ZC3HAV1: variants seen among roughly 807,000 people sequenced by gnomAD.
ZC3HAV1 encodes the protein zinc finger CCCH-type antiviral protein 1.
ZC3HAV1 carries 41 observed loss-of-function variants against 86.6 expected under a neutral mutation model. The ratio of observed to expected loss-of-function variants is 0.47; its 90% CI spans 0.37 to 0.61. The LOEUF is 0.61. Ranked by LOEUF, ZC3HAV1 falls within the 20% of genes least tolerant of loss-of-function variation. The pLI, the probability that ZC3HAV1 is intolerant of heterozygous loss-of-function variation, is 0.00. For synonymous variants in ZC3HAV1, 421 were observed against 432.1 expected (o/e 0.97, Z 0.32); for missense variants, 964 against 1,141.1 (o/e 0.84, Z 2.24).
chr7:139,063,653 G>A (rs1816510998), intron 8 of ZC3HAV1, among the ~76,000 whole-genome samples: 2 of 150,944 alleles, frequency 1.3e-5, no homozygotes, highest in South Asian at 2.1e-4. Flanking sequence ...GAGCCAGGGA[G>A]GTTGAGGCTG....
At chr7:139,058,655 A>C (rs900816397) in intron 9 of ZC3HAV1, among the ~76,000 whole-genome samples, 1 of 152,156 alleles carries the variant, frequency 6.6e-6, no homozygotes, top group Non-Finnish European at 1.5e-5. Flanking sequence ...GGAATGTTAT[A>C]GTATGGGAAA....
At chr7:139,097,968 G>A (rs1344319836) in intron 1 of ZC3HAV1, among the ~76,000 whole-genome samples, 1 of 151,470 alleles carries the variant, frequency 6.6e-6, no homozygotes, top group Admixed American at 6.6e-5. Context: ...TTTTTAAGAT[G>A]GAGTCTCACG....
chr7:139,055,949 T>C (rs941472775), intron 9 of ZC3HAV1, among the ~76,000 whole-genome samples: 7 of 152,214 alleles, frequency 4.6e-5, no homozygotes, highest in South Asian at 2.1e-4. Context: ...TGGAATGACC[T>C]GAACCTACTC....
rs1428880068 is a variant in ZC3HAV1, at chr7:139,080,120, G to A, written c.821C>T (p.Pro274Leu). The change falls in exon 4 of 13, where the codon CCT becomes CTT. Residue 274 changes from proline (P) to leucine (L), a missense_variant. Transcript: ENST00000242351. The stretch of plus-strand genomic sequence containing the variant: ...CCTGTGGCTGATCTGATCTGGACTA[G>A]GTGTGCAGGACCTCTCAGCAGACGC... ...ASASAERSCTPSPDQISHRAS... is the reference protein window; with the variant it reads ...ASASAERSCTLSPDQISHRAS... 1.2e-6 allele frequency: 2 copies of A among 1,614,072 alleles called. No individual in the cohort carries two copies. Among genetic ancestry groups the A allele is most frequent in the Admixed American group, 1.7e-5 (1 of 60,004 alleles).
chr7:139,089,853 GCCCATAT>G, intron 1 of ZC3HAV1, 94 bp from the exon 2 acceptor site: 1 of 1,355,102 alleles, frequency 7.4e-7, no homozygotes, highest in Non-Finnish European at 9.8e-7. Flanking sequence ...AAAGACCCGT[GCCCATAT>G]TCTCTGACAA....
At chr7:139,091,683 C>T (rs1817440148) in intron 1 of ZC3HAV1, among the ~76,000 whole-genome samples, 1 of 152,032 alleles carries the variant, frequency 6.6e-6, no homozygotes. Flanking sequence ...GTGGCACAAT[C>T]ACGGCTCACT....
intron 8 of ZC3HAV1, among the ~76,000 whole-genome samples, chr7:139,062,161 GT>G (rs1354912294): frequency 6.6e-6 from 1 of 152,056 alleles, no homozygotes; most frequent in African/African-American, 2.4e-5. Context: ...CCTGCTTAGG[GT>G]GGTGGTTACA....
intron 9 of ZC3HAV1, 143 bp from the exon 10 acceptor site, chr7:139,055,438 T>C: frequency 1.7e-6 from 1 of 589,418 alleles, no homozygotes. Context: ...GACTACATCC[T>C]CACATATTCC....
chr7:139,062,768 G>A lies in ZC3HAV1; in HGVS notation c.1994-1630C>T, dbSNP rs373394696. 1.3e-4 allele frequency among the ~76,000 whole-genome samples: 20 copies of A among 152,262 alleles called. 1 individual carries two copies. In the South Asian group the frequency reaches 1.7e-3, roughly 13 times the overall value. On this transcript the variant is annotated intron_variant, in intron 8 of 12. Transcript: ENST00000242351. ...AAGGCGGACGGGTGCAGTGGCTCAC[G>A]CCTGTAATCCCAACACTTTGGGAGG... is the stretch of plus-strand genomic sequence containing the variant.
intron 12 of ZC3HAV1, among the ~76,000 whole-genome samples, chr7:139,048,588 G>A (rs1368949188): frequency 1.3e-5 from 2 of 152,124 alleles, no homozygotes; most frequent in African/African-American, 4.8e-5. Flanking sequence ...GGGCAACAGA[G>A]TGAGATTCTG....
chr7:139,073,528 TC>T (rs1318681192), intron 7 of ZC3HAV1, among the ~76,000 whole-genome samples: 1 of 151,938 alleles, frequency 6.6e-6, no homozygotes, highest in Non-Finnish European at 1.5e-5. Context: ...TCTCAATCCA[TC>T]CCCCAGGCTG....
At chr7:139,084,060 G>A (rs766462136) in intron 2 of ZC3HAV1, 28 bp from the exon 3 acceptor site, 2 of 1,602,052 alleles carry the variant, frequency 1.2e-6, no homozygotes, top group Non-Finnish European at 8.5e-7. Context: ...AACAGCCAGA[G>A]TCAAAACACC....
chr7:139,088,039 AAAAAAAAAAAAAAAAAG>A (rs1173187704), intron 2 of ZC3HAV1, among the ~76,000 whole-genome samples: 1 of 149,170 alleles, frequency 6.7e-6, no homozygotes, highest in East Asian at 2.0e-4. Flanking sequence ...CTCAAAAAAA[AAAAAAAAAAAAAAAAAG>A]AAAAAAGAAA....
intron 12 of ZC3HAV1, among the ~76,000 whole-genome samples, chr7:139,050,653 A>AGCCACAGT (rs1157722217): frequency 6.6e-6 from 1 of 152,140 alleles, no homozygotes; most frequent in Non-Finnish European, 1.5e-5. Context: ...TACAGGAATG[A>AGCCACAGT]GCCACAGTGC....
chr7:139,067,603 T>C (rs1816643098), intron 7 of ZC3HAV1, among the ~76,000 whole-genome samples: 1 of 152,158 alleles, frequency 6.6e-6, no homozygotes, highest in South Asian at 2.1e-4. Flanking sequence ...AATTACTTAA[T>C]GGGTACAATG....
intron 1 of ZC3HAV1, 120 bp from the exon 2 acceptor site, chr7:139,089,879 G>A: frequency 9.2e-7 from 1 of 1,089,748 alleles, no homozygotes; most frequent in Non-Finnish European, 1.3e-6. Context: ...AACAGACACA[G>A]GTTGGTTCTG....
chr7:139,086,529 A>C (rs1405831748), intron 2 of ZC3HAV1, among the ~76,000 whole-genome samples: 1 of 152,004 alleles, frequency 6.6e-6, no homozygotes, highest in East Asian at 1.9e-4. Flanking sequence ...CCCTCACAGC[A>C]CTGTAGTCAA....
Position 139,082,280 on chromosome 7 carries a change from GA to G in ZC3HAV1, c.697+1499del, listed in dbSNP as rs1218689762. 8.1e-5 allele frequency among the ~76,000 whole-genome samples: 11 copies of G among 135,748 alleles called. No homozygotes were observed. The South Asian group carries it at 1.1e-3, about 14-fold the overall frequency. 89.1% of individuals were successfully genotyped at this position (135,748 alleles called of 152,430 possible). ...TGAGACTCTGTCTCAAAACAGGAAA[GA>G]AAAAAAAAAGTAATAGCACTTCATA... On this transcript the variant is annotated intron_variant, in intron 3 of 12. Coordinates refer to ENST00000242351, the MANE Select transcript of ZC3HAV1 (RefSeq NM_020119.4).
At chr7:139,065,164 T>G (rs1473758764) in intron 7 of ZC3HAV1, among the ~76,000 whole-genome samples, 165 bp from the exon 8 acceptor site, 1 of 152,218 alleles carries the variant, frequency 6.6e-6, no homozygotes, top group Non-Finnish European at 1.5e-5. Flanking sequence ...ACTTCTGTGG[T>G]CTTCTCTATC....
Sources: gnomAD v4.1 joint callset for allele counts (sites outside exome capture counted in the v4.1 genomes callset) on GRCh38, gnomAD v4.1.1 for gene constraint, MANE v1.5 for transcripts, NCBI Gene and HGNC (gene_info 2026-07-23, HGNC 2026-07-21) for gene names.